TEKT4: variants seen among roughly 807,000 people sequenced by gnomAD.
TEKT4 encodes the protein tektin 4.
In TEKT4, 46 loss-of-function variants were observed where a neutral mutation model predicts 46.0. That is an observed-to-expected ratio of 1.00 (90% confidence interval 0.79 to 1.28). The LOEUF (loss-of-function observed/expected upper bound fraction) is 1.28. TEKT4 is among the 50% of genes most tolerant of loss of function. The pLI is 0.00. For missense variants in TEKT4, 790 were observed against 622.9 expected, an observed-to-expected ratio of 1.27 and a Z score of -2.85; for synonymous variants, 325 against 265.8, an observed-to-expected ratio of 1.22 and a Z score of -2.17.
chr2:94,872,773 C>T (rs1553395032), intron 1 of TEKT4: 2 of 1,273,076 alleles, frequency 1.6e-6, no homozygotes, highest in Admixed American at 4.6e-5. Context: ...TGAGTCCCTC[C>T]CTCCCCTCAT....
chr2:94,873,082 C>CT (rs1680651950), intron 1 of TEKT4: 3 of 1,258,658 alleles, frequency 2.4e-6, no homozygotes, highest in Admixed American at 2.5e-5. Flanking sequence ...ACACAGGGTC[C>CT]TTCTCCTGTT....
At position 94,874,840 on chromosome 2, in the gene TEKT4, C is replaced by T. The variant is rs782345124; in HGVS notation, c.778C>T (p.Arg260Cys). 16 of 1,606,520 alleles carry T rather than the reference C, an allele frequency of 1.0e-5. No homozygotes were observed. The highest frequency in any genetic ancestry group is 4.0e-5 in the African/African-American group (3 of 74,812). Residue 260 changes from arginine (R) to cysteine (C), a missense_variant, in exon 4 of 6, where the codon CGC becomes TGC. By Grantham distance (180) the Arg-to-Cys change is radical. Transcript: ENST00000295201. ...CAATCTGTGCCGTGCCCAGCGCGAG[C>T]GCCTGGCCTCGGCCAACCTGCGGGT... ...QDNLCRAQRE[R>C]LASANLRVLV...
intron 5 of TEKT4, among the ~76,000 whole-genome samples, chr2:94,876,254 C>T (rs1295939350): frequency 6.6e-6 from 1 of 152,172 alleles, no homozygotes; most frequent in African/African-American, 2.4e-5. Flanking sequence ...GAACTGGGGG[C>T]CTCCTTCCAT....
Position 94,875,466 on chromosome 2 carries a change from GCCACTGGTC to G in TEKT4, c.937-121_937-113del, listed in dbSNP as rs1472856382. 6 of 1,454,836 alleles carry G rather than the reference GCCACTGGTC, an allele frequency of 4.1e-6. No individual in the cohort carries two copies. In the African/African-American group the frequency reaches 8.4e-5, roughly 20 times the overall value. The allele number at this position is 1,454,836 out of a possible 1,614,324, so 90.1% of individuals were successfully genotyped here. On this transcript the variant is annotated intron_variant, in intron 4 of 5. Coordinates refer to ENST00000295201, the MANE Select transcript of TEKT4 (RefSeq NM_144705.4). The stretch of plus-strand genomic sequence containing the variant: ...TTCCCCTCATCCACGCCTCCCCAGG[GCCACTGGTC>G]AGGACTGCCCTCTGGACACAGCCCC...
intron 5 of TEKT4, among the ~76,000 whole-genome samples, chr2:94,876,098 G>A (rs1453732720): frequency 3.3e-5 from 5 of 152,322 alleles, no homozygotes; most frequent in Admixed American, 3.3e-4. Flanking sequence ...TGCCCTGAGC[G>A]TGCTGTCCAC....
intron 1 of TEKT4, chr2:94,873,289 G>A: frequency 7.2e-6 from 10 of 1,390,796 alleles, no homozygotes; most frequent in Non-Finnish European, 9.3e-6. Flanking sequence ...GACCTTCCCA[G>A]CAGCCCACAG....
intron 1 of TEKT4, chr2:94,873,024 G>A: frequency 7.8e-7 from 1 of 1,289,386 alleles, no homozygotes; most frequent in Non-Finnish European, 1.0e-6. Flanking sequence ...CAGAGAAAAG[G>A]CTTGTTCCTA....
At position 94,876,602 on chromosome 2, in the gene TEKT4, G is replaced by A. The variant is rs1553396678; in HGVS notation, c.1141G>A (p.Glu381Lys). Residue 381 changes from glutamate (E) to lysine (K), a missense_variant, in exon 6 of 6, where the codon GAG becomes AAG. Glu to Lys is a moderately conservative substitution (Grantham distance 56). Transcript: ENST00000295201. The stretch of plus-strand genomic sequence containing the variant: ...GAACATGTCCCTCACAGCACTGCGA[G>A]AGAAGCTTCTAGAAGCGGAGCAGTC... ...ELNMSLTALR[E>K]KLLEAEQSLR... 1 of 1,612,480 alleles carries A rather than the reference G, an allele frequency of 6.2e-7. No homozygotes were observed.
At position 94,872,066 on chromosome 2, in the gene TEKT4, G is replaced by A; in HGVS notation, c.487G>A (p.Glu163Lys). 6.5e-7 allele frequency: 1 copy of A among 1,544,998 alleles called. No individual in the cohort carries two copies. The highest frequency in any genetic ancestry group is 2.4e-5 in the East Asian group (1 of 40,938). Residue 163 changes from glutamate (E) to lysine (K), a missense_variant, in exon 1 of 6, where the codon GAG becomes AAG. Coordinates refer to ENST00000295201, the MANE Select transcript of TEKT4 (RefSeq NM_144705.4). ...PNLVRDHVETELLKEAELIRN... is the reference protein window; with the variant it reads ...PNLVRDHVETKLLKEAELIRN... ...CCTCGTGCGCGACCATGTGGAAACG[G>A]AGCTGCTGAAGGTGCCAGCACCCTT... is the stretch of plus-strand genomic sequence containing the variant.
At position 94,876,733 on chromosome 2, in the gene TEKT4, C is replaced by T. The variant is rs1380867207; in HGVS notation, c.1272C>T (p.Arg424=). ...AGAAGTGCATGGCCCATCGTACTCG[C>T]TACCCCACCATCCTGCAGCTGGCTG... ...DRQKCMAHRT[R]YPTILQLAGY... The change falls in exon 6 of 6, where the codon CGC becomes CGT. Residue 424 remains arginine, a synonymous_variant. Coordinates refer to ENST00000295201, the MANE Select transcript of TEKT4 (RefSeq NM_144705.4). 5.0e-6 allele frequency: 8 copies of T among 1,610,116 alleles called. No individual in the cohort carries two copies. The African/African-American group carries it at 9.3e-5, about 19-fold the overall frequency.
Position 94,873,526 on chromosome 2 carries a change from G to A in TEKT4, c.505G>A (p.Glu169Lys), listed in dbSNP as rs782451463. ...AGGGCGTCTCCTCCCTCAGGAAGCC[G>A]AGCTCATCCGGAACATTCAGGAGCT... ...HVETELLKEA[E>K]LIRNIQELLK... Residue 169 changes from glutamate (E) to lysine (K), a missense_variant, in exon 2 of 6, where the codon GAG (glutamate) becomes AAG (lysine). Coordinates refer to ENST00000295201, the MANE Select transcript of TEKT4 (RefSeq NM_144705.4). The A allele has an allele frequency of 2.2e-5, 36 of 1,612,202 alleles. No homozygotes were observed. The highest frequency in any genetic ancestry group is 8.3e-5 in the Admixed American group (5 of 59,998).
rs62146943 is a variant in TEKT4 at position 94,874,956 on chromosome 2, G to C, written c.894G>C (p.Glu298Asp). The C allele has an allele frequency of 1.2e-6, 2 of 1,610,974 alleles. No homozygotes were observed. Among genetic ancestry groups the C allele is most frequent in the Non-Finnish European group, 1.7e-6 (2 of 1,179,432 alleles). The change falls in exon 4 of 6, where the codon GAG becomes GAC. Residue 298 changes from glutamate (E) to aspartate (D), a missense_variant. By Grantham distance (45) the Glu-to-Asp change is conservative. Coordinates refer to ENST00000295201, the MANE Select transcript of TEKT4 (RefSeq NM_144705.4). ...TGGCCTTCGGGCGCCGCTGTGAGGA[G>C]CTGGAGGACGCGCGGTACAAGCTGC... ...VNLAFGRRCE[E>D]LEDARYKLHH...
intron 1 of TEKT4, chr2:94,872,337 G>A: frequency 1.8e-6 from 1 of 563,270 alleles, no homozygotes; most frequent in Non-Finnish European, 3.1e-6. Flanking sequence ...TCCTGACCCT[G>A]GGCTCCCTGG....
intron 1 of TEKT4, 125 bp from the exon 2 acceptor site, chr2:94,873,395 A>G: frequency 2.6e-6 from 4 of 1,547,896 alleles, no homozygotes; most frequent in Admixed American, 1.9e-5. Flanking sequence ...TTACACAGTC[A>G]GAGCTCAGGC....
intron 5 of TEKT4, 43 bp from the exon 6 acceptor site, chr2:94,876,510 C>T: frequency 6.5e-7 from 1 of 1,547,064 alleles, no homozygotes; most frequent in Non-Finnish European, 8.7e-7. Flanking sequence ...GTGCATACTT[C>T]TGCCCTCCCT....
Position 94,874,029 on chromosome 2 carries a change from A to G in TEKT4, c.634A>G (p.Ile212Val). The G allele has an allele frequency of 6.2e-7, 1 of 1,613,680 alleles. No homozygotes were observed. Among genetic ancestry groups the G allele is most frequent in the Non-Finnish European group, 8.5e-7 (1 of 1,179,902 alleles). The change falls in exon 3 of 6, where the codon ATC becomes GTC. Residue 212 changes from isoleucine (I) to valine (V), a missense_variant. Physicochemically the swap from Ile to Val is conservative, Grantham distance 29. Coordinates refer to ENST00000295201, the MANE Select transcript of TEKT4 (RefSeq NM_144705.4). Reference protein sequence around the residue: ...DWSDKMEAYNIDETCGRHHSQ... With the variant: ...DWSDKMEAYNVDETCGRHHSQ... ...GTCAGACAAGATGGAGGCCTACAAC[A>G]TCGACGAGACCTGCGGGCGCCACCA...
intron 3 of TEKT4, 45 bp downstream of exon 3, chr2:94,874,153 G>C (rs368068942): frequency 1.3e-5 from 21 of 1,590,748 alleles, no homozygotes; most frequent in Non-Finnish European, 1.7e-5. Flanking sequence ...CTGTGGTCTC[G>C]CCTCCCTCTG....
rs1680800634 is a variant in TEKT4 at position 94,875,480 on chromosome 2, C to A, written c.937-108C>A. The A allele has an allele frequency of 1.9e-6, 3 of 1,540,984 alleles. No homozygotes were observed. The African/African-American group carries it at 4.1e-5, about 21-fold the overall frequency. ...GCCTCCCCAGGGCCACTGGTCAGGA[C>A]TGCCCTCTGGACACAGCCCCAAGAC... On this transcript the variant is annotated intron_variant, in intron 4 of 5. Transcript: ENST00000295201.
At chr2:94,874,603 C>G (rs1680744875) in intron 3 of TEKT4, among the ~76,000 whole-genome samples, 173 bp from the exon 4 acceptor site, 1 of 151,534 alleles carries the variant, frequency 6.6e-6, no homozygotes, top group African/African-American at 2.4e-5. Context: ...CCAGGGGGCA[C>G]TCGGGGGCAG....
Sources: allele counts gnomAD v4.1 joint callset (sites outside exome capture counted in the v4.1 genomes callset), GRCh38; gene constraint gnomAD v4.1.1; transcripts MANE v1.5; gene names NCBI Gene and HGNC (gene_info 2026-07-23, HGNC 2026-07-21).